MAGT1: variants seen among roughly 807,000 people sequenced by gnomAD.
The protein encoded by MAGT1 is dolichyl-diphosphooligosaccharide--protein glycosyltransferase subunit MAGT1.
In MAGT1, 4 loss-of-function variants were observed where a neutral mutation model predicts 28.4. The ratio of observed to expected loss-of-function variants is 0.14; its 90% CI spans 0.07 to 0.32. MAGT1 has a LOEUF of 0.32. Among genes scored for constraint, MAGT1 ranks in the 10% least tolerant of loss-of-function variants. The pLI, the probability that MAGT1 is intolerant of heterozygous loss-of-function variation, is 1.00. For missense variants in MAGT1, 193 were observed against 264.5 expected (o/e 0.73, Z 1.88); for synonymous variants, 89 against 89.7 (o/e 0.99, Z 0.04).
At chrX:77,883,815 T>G (rs1053037513) in intron 1 of MAGT1, among the ~76,000 whole-genome samples, 2 of 109,954 alleles carry the variant, frequency 1.8e-5, no homozygotes, top group Non-Finnish European at 3.8e-5. Context: ...AGTGCTGGGA[T>G]TACAGGCATG....
intron 1 of MAGT1, among the ~76,000 whole-genome samples, chrX:77,877,247 T>G (rs1394657582): frequency 9.1e-6 from 1 of 110,413 alleles, no homozygotes; most frequent in African/African-American, 3.3e-5. Flanking sequence ...CTCCCAGCAC[T>G]TTGGGAGGCC....
At chrX:77,839,888 C>T (rs1557214239) in intron 8 of MAGT1, among the ~76,000 whole-genome samples, 1 of 110,163 alleles carries the variant, frequency 9.1e-6, no homozygotes, top group African/African-American at 3.3e-5. Flanking sequence ...CTCAAGTGAT[C>T]CACCCGCCTC....
intron 7 of MAGT1, among the ~76,000 whole-genome samples, chrX:77,852,769 G>T (rs1279480450): frequency 9.1e-6 from 1 of 109,860 alleles, no homozygotes; most frequent in Non-Finnish European, 1.9e-5. Flanking sequence ...TTTTTTGTGT[G>T]TATTTTTTTG....
chrX:77,889,025 G>A (rs2077074461), intron 1 of MAGT1, among the ~76,000 whole-genome samples: 1 of 108,645 alleles, frequency 9.2e-6, no homozygotes, highest in African/African-American at 3.3e-5. Flanking sequence ...ACCCAGGCTG[G>A]AGTGCAATGG....
rs1377376850 is a variant in MAGT1 at position 77,867,633 on chromosome X, G to C, written c.390+3175C>G. Among the ~76,000 whole-genome samples, 3 of 66,519 alleles carry C rather than the reference G, an allele frequency of 4.5e-5. 1 individual carries two copies. Among genetic ancestry groups the C allele is most frequent in the South Asian group, 6.8e-4 (1 of 1,473 alleles). The allele number at this position is 66,519 out of a possible 115,157, so 57.8% of individuals were successfully genotyped here. On this transcript the variant is annotated intron_variant, in intron 3 of 9. Coordinates refer to ENST00000618282, the MANE Select transcript of MAGT1 (RefSeq NM_001367916.1). ...GGATTACTTGAGCCCAGGAGTTCAA[G>C]ACTAGCCAGGGCAACATAGCAAGAC...
At position 77,877,561 on chromosome X, in the gene MAGT1, C is replaced by A. The variant is rs782269119; in HGVS notation, c.103-1964G>T. Among the ~76,000 whole-genome samples the A allele has an allele frequency of 6.4e-5, 7 of 109,417 alleles. No individual in the cohort carries two copies. In the South Asian group the frequency reaches 2.7e-3, roughly 42 times the overall value. On this transcript the variant is annotated intron_variant, in intron 1 of 9. Transcript: ENST00000618282. ...GGTGCGGTGGCTCACACCTGTAATC[C>A]CAGCACTTTGGGAGGCCAAGGTGGG... is the stretch of plus-strand genomic sequence containing the variant.
intron 3 of MAGT1, chrX:77,868,715 G>A (rs1190299254): frequency 3.7e-6 from 1 of 271,281 alleles, no homozygotes; most frequent in Non-Finnish European, 7.0e-6. Context: ...AGCTACTTGG[G>A]AGGCTGAGGC....
At chrX:77,831,875 G>A (rs2076899587) in intron 8 of MAGT1, among the ~76,000 whole-genome samples, 1 of 111,762 alleles carries the variant, frequency 8.9e-6, no homozygotes, top group Admixed American at 9.6e-5. Flanking sequence ...TTACAGGCAT[G>A]AGCCACGGTG....
chrX:77,883,426 G>A (rs959932251), intron 1 of MAGT1, among the ~76,000 whole-genome samples: 8 of 107,851 alleles, frequency 7.4e-5, no homozygotes, highest in Non-Finnish European at 1.1e-4. Flanking sequence ...ATTCTTTCTC[G>A]AAATAATTTA....
chrX:77,841,957 T>G lies in MAGT1; in HGVS notation c.827-637A>C, dbSNP rs2076936228. Among the ~76,000 whole-genome samples, 3 of 105,422 alleles carry G rather than the reference T, an allele frequency of 2.8e-5. No homozygotes were observed. In the Admixed American group the frequency reaches 3.2e-4, roughly 11 times the overall value. 91.5% of individuals were successfully genotyped at this position (105,422 alleles called of 115,157 possible). Reference sequence around the variant, plus strand: ...CACCTGCCTCGGCCTCCCAAAGTGCTGGGATTATAGGTGTGAATGACCACG... The same window carrying G: ...CACCTGCCTCGGCCTCCCAAAGTGCGGGGATTATAGGTGTGAATGACCACG... On this transcript the variant is annotated intron_variant, in intron 7 of 9. Transcript: ENST00000618282.
intron 3 of MAGT1, among the ~76,000 whole-genome samples, chrX:77,860,232 C>T (rs2076991425): frequency 9.0e-6 from 1 of 110,878 alleles, no homozygotes; most frequent in Non-Finnish European, 1.9e-5. Context: ...AACAGGGATG[C>T]GCCATGACAT....
intron 8 of MAGT1, among the ~76,000 whole-genome samples, chrX:77,839,567 G>C (rs2076929281): frequency 9.6e-6 from 1 of 104,668 alleles, no homozygotes; most frequent in African/African-American, 3.5e-5. Flanking sequence ...GAGTGCAGTG[G>C]CGTGATCTCG....
At chrX:77,857,661 T>C (rs2076984781) in intron 3 of MAGT1, among the ~76,000 whole-genome samples, 164 bp from the exon 4 acceptor site, 1 of 111,650 alleles carries the variant, frequency 9.0e-6, no homozygotes, top group Non-Finnish European at 1.9e-5. Flanking sequence ...GGAGCAGGCT[T>C]TAAAAGCAAA....
intron 3 of MAGT1, among the ~76,000 whole-genome samples, chrX:77,870,317 G>A (rs1349427603): frequency 2.7e-5 from 3 of 110,367 alleles, no homozygotes; most frequent in Non-Finnish European, 5.7e-5. Flanking sequence ...CGCTGCTCAG[G>A]GGATGGGTGT....
intron 7 of MAGT1, among the ~76,000 whole-genome samples, chrX:77,849,133 G>A (rs781846681): frequency 4.6e-5 from 5 of 107,803 alleles, no homozygotes; most frequent in African/African-American, 6.8e-5. Context: ...CTGGAGCACA[G>A]TGGTGTGATC....
At position 77,857,211 on chromosome X, in the gene MAGT1, A is replaced by C; in HGVS notation, c.531+146T>G. ...TGTTCTGTAATTTCACTCATTCATC[A>C]AGATGATTCTGTTTAATGCTACTTA... On this transcript the variant is annotated intron_variant, in intron 4 of 9. Transcript: ENST00000618282. The C allele has an allele frequency of 4.3e-6, 3 of 703,531 alleles. No homozygotes were observed. In the South Asian group the frequency reaches 6.9e-5, roughly 16 times the overall value. 58.0% of individuals were successfully genotyped at this position (703,531 alleles called of 1,213,427 possible). A position where few individuals can be genotyped will look rare whatever the true frequency, so the allele number is the denominator to read the frequency against.
rs1287181843 is a variant in MAGT1 at position 77,827,596 on chromosome X, C to T, written c.*1624G>A. 9.1e-6 allele frequency: 1 copy of T among 109,484 alleles called. No homozygotes were observed. The highest frequency in any genetic ancestry group is 9.8e-5 in the Admixed American group (1 of 10,160). 9.0% of individuals were successfully genotyped at this position (109,484 alleles called of 1,213,427 possible). On this transcript the variant is annotated 3_prime_UTR_variant, in exon 10 of 10. Coordinates refer to ENST00000618282, the MANE Select transcript of MAGT1 (RefSeq NM_001367916.1). ...AGCTGGGATTACAGGCTCCTGCCAC[C>T]ACACCCAGCTAATTTTTATATTTTT...
intron 8 of MAGT1, among the ~76,000 whole-genome samples, chrX:77,838,799 G>A (rs2149011581): frequency 9.3e-6 from 1 of 107,890 alleles, no homozygotes; most frequent in Admixed American, 1.0e-4. Flanking sequence ...AAATAAAAGG[G>A]CTAAGACTCT....
At chrX:77,886,852 C>G (rs981760487) in intron 1 of MAGT1, among the ~76,000 whole-genome samples, 1 of 111,236 alleles carries the variant, frequency 9.0e-6, no homozygotes, top group African/African-American at 3.3e-5. Context: ...ATATAAATTT[C>G]TATGGACAGC....
Sources: allele counts gnomAD v4.1 joint callset (sites outside exome capture counted in the v4.1 genomes callset), GRCh38; gene constraint gnomAD v4.1.1; transcripts MANE v1.5; gene names NCBI Gene and HGNC (gene_info 2026-07-23, HGNC 2026-07-21).